Variants in KDM1A observed in about 807,000 individuals in gnomAD.
KDM1A encodes the protein lysine-specific histone demethylase 1A.
In KDM1A, 49 loss-of-function variants were observed where a neutral mutation model predicts 109.4. The observed-to-expected ratio is 0.45, with a 90% CI of 0.36 to 0.57. KDM1A has a LOEUF of 0.57. KDM1A is among the 20% of genes least tolerant of loss of function. KDM1A has a pLI of 0.00. For missense variants in KDM1A, 668 were observed against 1,116.6 expected (o/e 0.60, Z 5.73); for synonymous variants, 380 against 415.4 (o/e 0.91, Z 1.04).
At chr1:23,063,215 G>T (rs1441362862) in intron 9 of KDM1A, among the ~76,000 whole-genome samples, 1 of 37,244 alleles carries the variant, frequency 2.7e-5, no homozygotes, top group Non-Finnish European at 5.8e-5. Flanking sequence ...GGTGTGGTGT[G>T]GGGTGGGTGT....
At chr1:23,037,597 T>C (rs1166730407) in intron 2 of KDM1A, among the ~76,000 whole-genome samples, 1 of 152,212 alleles carries the variant, frequency 6.6e-6, no homozygotes, top group African/African-American at 2.4e-5. Context: ...GAATACAATG[T>C]ATTGTGATTA....
intron 13 of KDM1A, 91 bp from the exon 14 acceptor site, chr1:23,072,033 A>G: frequency 1.3e-6 from 1 of 772,020 alleles, no homozygotes; most frequent in Non-Finnish European, 2.2e-6. Context: ...TGAAGAGGAA[A>G]TATGATCCAG....
chr1:23,077,429 G>GA, intron 16 of KDM1A, 69 bp downstream of exon 16: 3 of 1,489,550 alleles, frequency 2.0e-6, no homozygotes, highest in Non-Finnish European at 2.7e-6. Context: ...TGTTAGGTGC[G>GA]ACCTATCAGG....
At chr1:23,061,699 C>T (rs1215355695) in intron 9 of KDM1A, among the ~76,000 whole-genome samples, 5 of 150,088 alleles carry the variant, frequency 3.3e-5, no homozygotes, top group African/African-American at 1.2e-4. Flanking sequence ...GCTCTGTCAC[C>T]AGGCTGGAGT....
At chr1:23,081,302 T>A in intron 18 of KDM1A, 144 bp from the exon 19 acceptor site, 2 of 924,246 alleles carry the variant, frequency 2.2e-6, no homozygotes, top group South Asian at 3.3e-5. Flanking sequence ...TTCAGAAACA[T>A]AATCTGTCTC....
chr1:23,020,368 A>T lies in KDM1A; in HGVS notation c.351+421A>T, dbSNP rs115916943. 7.7e-3 allele frequency: 1,197 copies of T among 155,440 alleles called. 18 individuals are homozygous for T. Among genetic ancestry groups the T allele is most frequent in the African/African-American group, 0.028 (1,154 of 41,602 alleles). 9.6% of individuals were successfully genotyped at this position (155,440 alleles called of 1,614,324 possible). A position where few individuals can be genotyped will look rare whatever the true frequency, so the allele number is the denominator to read the frequency against. On this transcript the variant is annotated intron_variant, in intron 1 of 20. Coordinates refer to ENST00000400181, the MANE Select transcript of KDM1A (RefSeq NM_001009999.3). ...TGATGGCGTTTCAGCTGGGTGCACG[A>T]GGGGGCTGTAGGTTGATGCTGAAGA...
intron 1 of KDM1A, among the ~76,000 whole-genome samples, chr1:23,025,415 C>T (rs1489363156): frequency 6.6e-6 from 1 of 151,680 alleles, no homozygotes; most frequent in African/African-American, 2.4e-5. Context: ...ATTGCAACCT[C>T]CACCTCCCGG....
chr1:23,033,315 A>C (rs1642045739), intron 2 of KDM1A, among the ~76,000 whole-genome samples: 1 of 152,180 alleles, frequency 6.6e-6, no homozygotes, highest in Admixed American at 6.5e-5. Flanking sequence ...TGAGGTCAGG[A>C]GTTCGAGACC....
intron 3 of KDM1A, among the ~76,000 whole-genome samples, chr1:23,049,732 G>A (rs1642609152): frequency 6.6e-6 from 1 of 151,772 alleles, no homozygotes; most frequent in African/African-American, 2.4e-5. Context: ...AGTGTATAGT[G>A]TATGTATACA....
chr1:23,047,937 G>A (rs1351220562), intron 3 of KDM1A, among the ~76,000 whole-genome samples: 1 of 151,688 alleles, frequency 6.6e-6, no homozygotes, highest in Non-Finnish European at 1.5e-5. Context: ...GTAGTGAGCA[G>A]CCAAATGTAC....
intron 3 of KDM1A, among the ~76,000 whole-genome samples, chr1:23,048,557 A>G (rs1642568622): frequency 6.6e-6 from 1 of 152,178 alleles, no homozygotes; most frequent in South Asian, 2.1e-4. Flanking sequence ...CTCATTATCT[A>G]CAGTAGATGG....
At chr1:23,067,841 C>G (rs1431461818) in intron 10 of KDM1A, among the ~76,000 whole-genome samples, 4 of 152,152 alleles carry the variant, frequency 2.6e-5, no homozygotes. Context: ...TCATGGTCTT[C>G]CAGCTTGATG....
At chr1:23,035,225 G>A (rs954750157) in intron 2 of KDM1A, among the ~76,000 whole-genome samples, 3 of 152,024 alleles carry the variant, frequency 2.0e-5, no homozygotes, top group African/African-American at 4.8e-5. Flanking sequence ...GTTTTGAGAC[G>A]GAGTTTTGCT....
At position 23,072,172 on chromosome 1, in the gene KDM1A, C is replaced by T. The variant is rs1643339431; in HGVS notation, c.1597C>T (p.Gln533Ter). 6.2e-7 allele frequency: 1 copy of T among 1,611,076 alleles called. No individual in the cohort carries two copies. The change falls in exon 14 of 21, where the codon CAG (glutamine) becomes TAG (stop). Residue 533 changes from glutamine to a stop codon, truncating the protein, a stop_gained. Coordinates refer to ENST00000400181, the MANE Select transcript of KDM1A (RefSeq NM_001009999.3). LOFTEE classifies it high-confidence loss of function. ...ACAAGGAAAGCTAGAAGAAAAACTT[C>T]AGGAGTTGGAAGCGAATCCCCCAAG... ...ETQGKLEEKLQELEANPPSDV... is the reference protein window; with the variant it reads ...ETQGKLEEKL
intron 2 of KDM1A, among the ~76,000 whole-genome samples, chr1:23,034,628 A>T (rs1405975501): frequency 2.7e-5 from 4 of 148,644 alleles, no homozygotes; most frequent in South Asian, 4.3e-4. Flanking sequence ...ACATGACTCC[A>T]TTTTTTTTTT....
At position 23,081,508 on chromosome 1, in the gene KDM1A, G is replaced by A. The variant is rs759735931; in HGVS notation, c.2233G>A (p.Asp745Asn). 8 of 1,614,058 alleles carry A rather than the reference G, an allele frequency of 5.0e-6. No individual in the cohort carries two copies. Among genetic ancestry groups the A allele is most frequent in the South Asian group, 2.2e-5 (2 of 91,082 alleles). Reference sequence around the variant, plus strand: ...TGGTATCATGGAAAACATAAGTGACGATGTGATTGTTGGCCGATGCCTGGC... The same window carrying A: ...TGGTATCATGGAAAACATAAGTGACAATGTGATTGTTGGCCGATGCCTGGC... The part of the protein sequence containing the change: ...AAGIMENISD[D>N]VIVGRCLAIL... The change falls in exon 19 of 21, where the codon GAT becomes AAT. Residue 745 changes from aspartate to asparagine, a missense_variant. Coordinates refer to ENST00000400181, the MANE Select transcript of KDM1A (RefSeq NM_001009999.3).
chr1:23,051,827 T>C (rs1642679035), intron 4 of KDM1A, among the ~76,000 whole-genome samples: 1 of 152,198 alleles, frequency 6.6e-6, no homozygotes, highest in South Asian at 2.1e-4. Context: ...GGCTATTAGA[T>C]TGCAAAACCA....
intron 1 of KDM1A, among the ~76,000 whole-genome samples, chr1:23,028,823 A>G (rs563296122): frequency 1.6e-4 from 24 of 152,256 alleles, no homozygotes; most frequent in Admixed American, 1.2e-3. Flanking sequence ...CTTATTGCAA[A>G]GACCCTGTAT....
chr1:23,030,753 T>C, intron 2 of KDM1A, 119 bp downstream of exon 2: 2 of 1,043,034 alleles, frequency 1.9e-6, no homozygotes, highest in Admixed American at 2.8e-5. Context: ...AAGTCTGATA[T>C]TGAGTCTCCT....
Sources: allele counts gnomAD v4.1 joint callset (sites outside exome capture counted in the v4.1 genomes callset), GRCh38; gene constraint gnomAD v4.1.1; transcripts MANE v1.5; gene names NCBI Gene and HGNC (gene_info 2026-07-23, HGNC 2026-07-21).